DIAPH3: variants seen among roughly 807,000 people sequenced by gnomAD.
The protein encoded by DIAPH3 is protein diaphanous homolog 3.
A neutral mutation model predicts 144.3 loss-of-function variants in DIAPH3; 117 were observed. That is an observed-to-expected ratio of 0.81 (90% confidence interval 0.70 to 0.95). The LOEUF is 0.95. Ranked by LOEUF, DIAPH3 falls within the 40% of genes least tolerant of loss-of-function variation. The probability of loss-of-function intolerance (pLI) is 0.00; values close to 1 mark genes in which losing one functional copy is unlikely to be tolerated. For missense variants in DIAPH3, 1,421 were observed against 1,412.7 expected, an observed-to-expected ratio of 1.01 and a Z score of -0.09; for synonymous variants, 519 against 488.9, an observed-to-expected ratio of 1.06 and a Z score of -0.81.
chr13:59,815,038 G>C (rs2040693811), intron 24 of DIAPH3, among the ~76,000 whole-genome samples: 1 of 152,098 alleles, frequency 6.6e-6, no homozygotes, highest in Admixed American at 6.5e-5. Context: ...ATTTAAGTCT[G>C]AATAGTATTC....
intron 25 of DIAPH3, among the ~76,000 whole-genome samples, chr13:59,806,566 T>A (rs1041614953): frequency 3.3e-5 from 5 of 151,952 alleles, no homozygotes; most frequent in African/African-American, 4.8e-5. Context: ...GCCTAAGCAG[T>A]CTCCATCTCA....
chr13:59,760,000 G>C (rs1038570824), intron 27 of DIAPH3, among the ~76,000 whole-genome samples: 1 of 152,050 alleles, frequency 6.6e-6, no homozygotes, highest in African/African-American at 2.4e-5. Context: ...TGAAAGCCTT[G>C]AGACTTATTA....
chr13:59,952,386 A>G (rs1019687327), intron 17 of DIAPH3, among the ~76,000 whole-genome samples: 1 of 152,178 alleles, frequency 6.6e-6, no homozygotes, highest in Non-Finnish European at 1.5e-5. Context: ...TTTTATCACA[A>G]TTTAACAAAA....
chr13:59,910,709 G>A (rs1593943179), intron 20 of DIAPH3, among the ~76,000 whole-genome samples: 1 of 147,482 alleles, frequency 6.8e-6, no homozygotes. Flanking sequence ...CAGCCTGGGC[G>A]ACAGAGCAAG....
chr13:59,984,894 C>T (rs879507191), intron 12 of DIAPH3, among the ~76,000 whole-genome samples: 1 of 107,954 alleles, frequency 9.3e-6, no homozygotes, highest in East Asian at 2.5e-4. Flanking sequence ...ACCAGAGGTA[C>T]AAGGAGGAAC....
chr13:59,872,836 G>A (rs1483996635), intron 21 of DIAPH3, among the ~76,000 whole-genome samples: 1 of 152,220 alleles, frequency 6.6e-6, no homozygotes, highest in African/African-American at 2.4e-5. Flanking sequence ...GGAAAGGGTA[G>A]TTTGATAGAG....
intron 17 of DIAPH3, among the ~76,000 whole-genome samples, chr13:59,931,592 C>G (rs2048020785): frequency 6.6e-6 from 1 of 152,114 alleles, no homozygotes; most frequent in African/African-American, 2.4e-5. Context: ...TTCTTAGCAC[C>G]AGGATTAAAG....
intron 14 of DIAPH3, 147 bp downstream of exon 14, chr13:59,980,648 C>A: frequency 1.4e-6 from 1 of 701,358 alleles, no homozygotes; most frequent in East Asian, 2.7e-5. Context: ...TTTTTAGATA[C>A]AGTAGTCCTC....
intron 24 of DIAPH3, among the ~76,000 whole-genome samples, chr13:59,817,250 T>C (rs1032300481): frequency 2.6e-5 from 4 of 151,966 alleles, no homozygotes; most frequent in African/African-American, 9.6e-5. Flanking sequence ...CGCTTGTCTT[T>C]AATGATATTT....
chr13:59,934,442 T>G (rs2140346849), intron 17 of DIAPH3, among the ~76,000 whole-genome samples: 1 of 152,186 alleles, frequency 6.6e-6, no homozygotes. Flanking sequence ...GAGAAGATAA[T>G]AAATTCAACT....
At chr13:59,682,302 A>C (rs1262191515) in intron 27 of DIAPH3, among the ~76,000 whole-genome samples, 2 of 152,230 alleles carry the variant, frequency 1.3e-5, no homozygotes, top group Non-Finnish European at 2.9e-5. Flanking sequence ...TGAGCTAACC[A>C]CAAAAATCTT....
At chr13:60,087,376 T>C (rs147275545) in intron 4 of DIAPH3, among the ~76,000 whole-genome samples, 155 of 152,320 alleles carry the variant, frequency 1.0e-3, no homozygotes, top group African/African-American at 3.5e-3. Context: ...AGCAGTACTA[T>C]GACAAGACCT....
chr13:59,980,328 A>G (rs2050918480), intron 14 of DIAPH3, among the ~76,000 whole-genome samples: 1 of 151,570 alleles, frequency 6.6e-6, no homozygotes, highest in Non-Finnish European at 1.5e-5. Flanking sequence ...TTTCATTCTT[A>G]AGGGCTTAAT....
chr13:59,920,170 C>A (rs1027616072), intron 18 of DIAPH3, among the ~76,000 whole-genome samples: 3 of 151,772 alleles, frequency 2.0e-5, no homozygotes, highest in Non-Finnish European at 4.4e-5. Context: ...AGAAAACAAT[C>A]AACAAAACGG....
intron 27 of DIAPH3, among the ~76,000 whole-genome samples, chr13:59,692,592 A>T (rs1315437194): frequency 1.3e-5 from 2 of 152,102 alleles, no homozygotes; most frequent in African/African-American, 4.8e-5. Flanking sequence ...CCTTTTAATG[A>T]CAAGGAAACA....
At chr13:59,723,291 C>A (rs2035434637) in intron 27 of DIAPH3, among the ~76,000 whole-genome samples, 1 of 152,118 alleles carries the variant, frequency 6.6e-6, no homozygotes, top group Non-Finnish European at 1.5e-5. Context: ...GTCAGTGAGA[C>A]CCTATTTTCC....
intron 9 of DIAPH3, among the ~76,000 whole-genome samples, chr13:60,004,504 A>G (rs1566643104): frequency 1.3e-5 from 2 of 152,186 alleles, no homozygotes. Flanking sequence ...CCTGCTAGCT[A>G]TTTCACACAT....
At chr13:59,988,935 A>G (rs1416850619) in intron 12 of DIAPH3, among the ~76,000 whole-genome samples, 2 of 151,850 alleles carry the variant, frequency 1.3e-5, no homozygotes, top group Non-Finnish European at 2.9e-5. Context: ...TATATTCTCC[A>G]ATCGAATTCC....
At chr13:59,800,720 C>G (rs2039861072) in intron 25 of DIAPH3, among the ~76,000 whole-genome samples, 1 of 152,116 alleles carries the variant, frequency 6.6e-6, no homozygotes, top group African/African-American at 2.4e-5. Context: ...GAACGGGTCT[C>G]TGAAAGTTTG....
Sources: allele counts gnomAD v4.1 joint callset (sites outside exome capture counted in the v4.1 genomes callset), GRCh38; gene constraint gnomAD v4.1.1; transcripts MANE v1.5; gene names NCBI Gene and HGNC (gene_info 2026-07-23, HGNC 2026-07-21).